The following PRSS55 variants were observed in gnomAD, a reference collection of about 807,000 sequenced individuals.
PRSS55 encodes serine protease 55.
Under a neutral mutation model 23.6 loss-of-function variants are expected in PRSS55, and 41 were observed. The observed-to-expected ratio is 1.74, with a 90% CI of 1.35 to 2.26. PRSS55 has a LOEUF of 2.26. Ranked by LOEUF, PRSS55 falls within the 30% of genes most tolerant of loss-of-function variation. The pLI, the probability that PRSS55 is intolerant of heterozygous loss-of-function variation, is 0.00. For synonymous variants in PRSS55, 262 were observed against 175.5 expected, an observed-to-expected ratio of 1.49 and a Z score of -3.90; for missense variants, 669 against 439.1, an observed-to-expected ratio of 1.52 and a Z score of -4.68.
chr8:10,525,674 C>G lies in PRSS55; in HGVS notation c.89C>G (p.Ala30Gly), dbSNP rs956805209. Residue 30 changes from alanine (A) to glycine (G), a missense_variant, in exon 1 of 5, where the codon GCT (alanine) becomes GGT (glycine). By Grantham distance (60) the Ala-to-Gly change is moderately conservative. Transcript: ENST00000328655. ...PRTPLPEAGV[A>G]ILGRARGAHR... is the part of the protein sequence containing the mutation. ...ACTCCTCTCCCAGAGGCTGGAGTGGCTATCCTAGGCAGGGCTAGGGGAGCC... is the reference window on the plus strand; with the variant it reads ...ACTCCTCTCCCAGAGGCTGGAGTGGGTATCCTAGGCAGGGCTAGGGGAGCC... 2 of 1,613,988 alleles carry G rather than the reference C, an allele frequency of 1.2e-6. No homozygotes were observed. Among genetic ancestry groups the G allele is most frequent in the Admixed American group, 3.3e-5 (2 of 60,006 alleles).
At chr8:10,528,743 A>C (rs546240431) in intron 1 of PRSS55, among the ~76,000 whole-genome samples, 1 of 152,332 alleles carries the variant, frequency 6.6e-6, no homozygotes, top group East Asian at 1.9e-4. Flanking sequence ...CTTATCCTAC[A>C]GTACTGTGGG....
chr8:10,532,450 C>T (rs1009940406), intron 3 of PRSS55, among the ~76,000 whole-genome samples: 2 of 152,216 alleles, frequency 1.3e-5, no homozygotes, highest in Non-Finnish European at 1.5e-5. Flanking sequence ...CATCTCAAAA[C>T]ACTCTGCCAA....
chr8:10,529,737 C>A (rs367656548), intron 2 of PRSS55, 38 bp downstream of exon 2: 4 of 1,577,910 alleles, frequency 2.5e-6, no homozygotes, highest in Non-Finnish European at 3.5e-6. Context: ...CCTCTCAGGG[C>A]GCCCACCCCT....
At chr8:10,545,614 C>G (rs914498431) in intron 4 of PRSS55, among the ~76,000 whole-genome samples, 7 of 152,180 alleles carry the variant, frequency 4.6e-5, no homozygotes, top group African/African-American at 1.7e-4. Flanking sequence ...ATAGAGGCCA[C>G]CTGGCTACCA....
chr8:10,546,962 G>A (rs1006669246), intron 4 of PRSS55, among the ~76,000 whole-genome samples: 1 of 152,184 alleles, frequency 6.6e-6, no homozygotes, highest in African/African-American at 2.4e-5. Flanking sequence ...GATTACAGGT[G>A]TGAGCCACGG....
At chr8:10,552,620 G>A (rs906044919) in intron 4 of PRSS55, among the ~76,000 whole-genome samples, 6 of 152,174 alleles carry the variant, frequency 3.9e-5, no homozygotes, top group South Asian at 2.1e-4. Context: ...CAAAGGACCC[G>A]AATAGACATT....
At chr8:10,533,504 T>C (rs1383201347) in intron 4 of PRSS55, among the ~76,000 whole-genome samples, 1 of 152,184 alleles carries the variant, frequency 6.6e-6, no homozygotes, top group East Asian at 1.9e-4. Context: ...CAAACAATGA[T>C]AAAATATTGG....
chr8:10,532,788 C>A, intron 3 of PRSS55, 118 bp from the exon 4 acceptor site: 2 of 1,279,766 alleles, frequency 1.6e-6, no homozygotes. Context: ...GCTGCAGAGC[C>A]TGTGAAGGAA....
At chr8:10,533,495 A>G (rs549919156) in intron 4 of PRSS55, among the ~76,000 whole-genome samples, 1 of 152,350 alleles carries the variant, frequency 6.6e-6, no homozygotes, top group South Asian at 2.1e-4. Flanking sequence ...GTGGATAAAC[A>G]AACAATGATA....
At chr8:10,536,636 T>C (rs1812463879) in intron 4 of PRSS55, among the ~76,000 whole-genome samples, 2 of 152,064 alleles carry the variant, frequency 1.3e-5, no homozygotes, top group African/African-American at 4.8e-5. Flanking sequence ...GATGGTGAAC[T>C]GGATAAAGAA....
chr8:10,545,690 C>T (rs779059875), intron 4 of PRSS55, among the ~76,000 whole-genome samples: 16 of 152,272 alleles, frequency 1.1e-4, no homozygotes, highest in Admixed American at 2.6e-4. Context: ...ATGAAGCTTT[C>T]GGTGTGGCTC....
At chr8:10,528,220 G>T (rs948788312) in intron 1 of PRSS55, among the ~76,000 whole-genome samples, 1 of 130,982 alleles carries the variant, frequency 7.6e-6, no homozygotes. Flanking sequence ...AAAAAAAAAA[G>T]TCCCGAAGAG....
intron 4 of PRSS55, 131 bp from the exon 5 acceptor site, chr8:10,538,345 G>A: frequency 1.4e-6 from 1 of 693,196 alleles, no homozygotes. Flanking sequence ...CTTCTCCCGT[G>A]GAGCAGGGAT....
downstream of PRSS55, chr8:10,538,840 G>A (rs1385435841): frequency 6.7e-7 from 1 of 1,496,250 alleles, no homozygotes; most frequent in African/African-American, 1.4e-5. Context: ...GTGCATGCAA[G>A]TGCGTCTCCA....
At chr8:10,534,637 TC>T (rs1284433789) in intron 4 of PRSS55, among the ~76,000 whole-genome samples, 1 of 152,192 alleles carries the variant, frequency 6.6e-6, no homozygotes, top group African/African-American at 2.4e-5. Context: ...GCTGGAAGCC[TC>T]CCTCTCAGGA....
chr8:10,547,993 T>A (rs1329123999), intron 4 of PRSS55, among the ~76,000 whole-genome samples: 1 of 151,782 alleles, frequency 6.6e-6, no homozygotes, highest in Non-Finnish European at 1.5e-5. Flanking sequence ...AGGGACTCCT[T>A]CCTACCCCAG....
intron 4 of PRSS55, among the ~76,000 whole-genome samples, chr8:10,535,142 C>T (rs1448017298): frequency 1.3e-5 from 2 of 152,084 alleles, no homozygotes; most frequent in Non-Finnish European, 2.9e-5. Context: ...CCATACTACC[C>T]AAAACAATTT....
chr8:10,542,089 G>A (rs764718571), downstream of PRSS55, among the ~76,000 whole-genome samples: 2 of 152,132 alleles, frequency 1.3e-5, no homozygotes, highest in African/African-American at 2.4e-5. Context: ...TGTTTCACCC[G>A]TGAAAGCAAC....
chr8:10,538,533 G>T lies in PRSS55; in HGVS notation c.799G>T (p.Val267Leu), dbSNP rs775739468. The change falls in exon 5 of 5, where the codon GTG (valine) becomes TTG (leucine). Residue 267 changes from valine (V) to leucine (L), a missense_variant. Coordinates refer to ENST00000328655, the MANE Select transcript of PRSS55 (RefSeq NM_198464.4). Reference protein sequence around the residue: ...TPEPGEKWYQVGIISWGKSCG... With the variant: ...TPEPGEKWYQLGIISWGKSCG... ...AGAGCCTGGTGAGAAGTGGTACCAG[G>T]TGGGCATCATAAGCTGGGGAAAGAG... 36 of 1,614,046 alleles carry T rather than the reference G, an allele frequency of 2.2e-5. No individual in the cohort carries two copies. The highest frequency in any genetic ancestry group is 1.6e-4 in the Middle Eastern group (1 of 6,066).
Sources: allele counts gnomAD v4.1 joint callset (sites outside exome capture counted in the v4.1 genomes callset), GRCh38; gene constraint gnomAD v4.1.1; transcripts MANE v1.5; gene names NCBI Gene and HGNC (gene_info 2026-07-23, HGNC 2026-07-21).